CALN1: variants seen among roughly 807,000 people sequenced by gnomAD.
CALN1 encodes calneuron 1, also known as calcium-binding protein 8.
CALN1 carries 17 observed loss-of-function variants against 30.6 expected under a neutral mutation model. The ratio of observed to expected loss-of-function variants is 0.56; its 90% CI spans 0.38 to 0.83. The LOEUF (loss-of-function observed/expected upper bound fraction) is 0.83. Among genes scored for constraint, CALN1 ranks in the 40% least tolerant of loss-of-function variants. The probability of loss-of-function intolerance (pLI) is 0.00; values close to 1 mark genes in which losing one functional copy is unlikely to be tolerated. For missense variants in CALN1, 291 were observed against 354.9 expected, an observed-to-expected ratio of 0.82 and a Z score of 1.45; for synonymous variants, 156 against 131.4, an observed-to-expected ratio of 1.19 and a Z score of -1.28.
chr7:72,191,078 G>A (rs181339145), intron 3 of CALN1, among the ~76,000 whole-genome samples: 5 of 152,312 alleles, frequency 3.3e-5, no homozygotes, highest in African/African-American at 1.2e-4. Flanking sequence ...CTGCTTTTGT[G>A]CAAGTCATGG....
At chr7:72,222,871 A>T (rs1459671429) in intron 3 of CALN1, among the ~76,000 whole-genome samples, 1 of 151,970 alleles carries the variant, frequency 6.6e-6, no homozygotes, top group Non-Finnish European at 1.5e-5. Context: ...AACCATACAA[A>T]TTATTCAGGC....
chr7:72,445,057 AACAC>A (rs4029789), intron 1 of CALN1, among the ~76,000 whole-genome samples: 33,018 of 138,450 alleles, frequency 0.24, 3,802 homozygotes, highest in Non-Finnish European at 0.26. Context: ...CAGTGAATTA[AACAC>A]ACACACACAC....
chr7:72,107,789 C>T (rs1347702719), intron 3 of CALN1, among the ~76,000 whole-genome samples: 1 of 152,114 alleles, frequency 6.6e-6, no homozygotes, highest in Non-Finnish European at 1.5e-5. Flanking sequence ...CCGTGAGAAG[C>T]ACAGTATTAA....
the CALN1 span, among the ~76,000 whole-genome samples, chr7:72,491,894 C>T: frequency 2.0e-5 from 3 of 152,188 alleles, no homozygotes; most frequent in African/African-American, 7.2e-5. Context: ...CAAGGTAATT[C>T]AAGATGCCAT....
chr7:71,797,876 A>G (rs574441607), intron 6 of CALN1, among the ~76,000 whole-genome samples: 1 of 152,256 alleles, frequency 6.6e-6, no homozygotes, highest in South Asian at 2.1e-4. Flanking sequence ...TCATACCCAA[A>G]GATTGTTCTG....
At chr7:72,266,518 G>A (rs555057950) in intron 3 of CALN1, among the ~76,000 whole-genome samples, 1 of 152,252 alleles carries the variant, frequency 6.6e-6, no homozygotes, top group South Asian at 2.1e-4. Flanking sequence ...GAGCCAATGT[G>A]TTCCTTTAAG....
rs1041114254 is a variant in CALN1 at position 71,782,137 on chromosome 7, A to G, written c.*5638T>C. Reference sequence around the variant, plus strand: ...GCTCCAAACCAATCATAGAGGCTGGATATTTGTTCCCCCCAAATTTCATGT... The same window carrying G: ...GCTCCAAACCAATCATAGAGGCTGGGTATTTGTTCCCCCCAAATTTCATGT... On this transcript the variant is annotated 3_prime_UTR_variant, in exon 7 of 7. Transcript: ENST00000395275. 5 of 152,126 alleles carry G rather than the reference A, an allele frequency of 3.3e-5. No individual in the cohort carries two copies. The highest frequency in any genetic ancestry group is 1.2e-4 in the African/African-American group (5 of 41,386). The allele number at this position is 152,126 out of a possible 1,614,324, so 9.4% of individuals were successfully genotyped here.
chr7:72,237,517 G>C (rs1408098528), intron 3 of CALN1, among the ~76,000 whole-genome samples: 1 of 152,204 alleles, frequency 6.6e-6, no homozygotes, highest in Non-Finnish European at 1.5e-5. Context: ...GAGAGGCAGA[G>C]ACAGGCACAG....
At chr7:72,108,233 C>T (rs1418670487) in intron 3 of CALN1, among the ~76,000 whole-genome samples, 1 of 152,230 alleles carries the variant, frequency 6.6e-6, no homozygotes, top group East Asian at 1.9e-4. Flanking sequence ...CTCTGTCCTG[C>T]TCTTAAAGGA....
chr7:72,447,627 G>A (rs546319295), upstream of CALN1, among the ~76,000 whole-genome samples: 26 of 152,218 alleles, frequency 1.7e-4, no homozygotes, highest in South Asian at 5.4e-3. Flanking sequence ...TATGTAAGCT[G>A]CATGCACACA....
At chr7:72,253,224 G>A (rs1013289654) in intron 3 of CALN1, among the ~76,000 whole-genome samples, 9 of 152,134 alleles carry the variant, frequency 5.9e-5, no homozygotes, top group African/African-American at 2.2e-4. Context: ...AAAACTTGAA[G>A]AACTAATGCA....
chr7:71,913,410 A>G (rs1794525865), intron 5 of CALN1, among the ~76,000 whole-genome samples: 1 of 152,180 alleles, frequency 6.6e-6, no homozygotes, highest in Admixed American at 6.5e-5. Context: ...CCCTGAGGAT[A>G]ATATTTCAGC....
In CALN1 at chr7:72,168,802, A is replaced by AT. The variant is rs1235129816; in HGVS notation, c.245-62509dup. Among the ~76,000 whole-genome samples, 601 of 114,368 alleles carry AT rather than the reference A, an allele frequency of 5.3e-3. 6 individuals carry two copies. Among genetic ancestry groups the AT allele is most frequent in the African/African-American group, 0.021 (552 of 26,904 alleles). The allele number at this position is 114,368 out of a possible 152,430, so 75.0% of individuals were successfully genotyped here. On this transcript the variant is annotated intron_variant, in intron 3 of 6. Coordinates refer to ENST00000395275, the MANE Select transcript of CALN1 (RefSeq NM_031468.4). Reference sequence around the variant, plus strand: ...AGGATGCCTGCTTATTATTATTATTATTATTTTTTTTTTTTTTTTTGAGAT... The same window carrying AT: ...AGGATGCCTGCTTATTATTATTATTATTTATTTTTTTTTTTTTTTTTGAGAT...
intron 1 of CALN1, among the ~76,000 whole-genome samples, chr7:72,425,348 A>G (rs1054265713): frequency 6.6e-6 from 1 of 152,148 alleles, no homozygotes; most frequent in Non-Finnish European, 1.5e-5. Flanking sequence ...TCCTGACCTC[A>G]AGTGATCCAC....
chr7:72,117,327 G>A (rs1175389080), intron 3 of CALN1, among the ~76,000 whole-genome samples: 1 of 152,152 alleles, frequency 6.6e-6, no homozygotes, highest in Non-Finnish European at 1.5e-5. Flanking sequence ...TAAGGGGACT[G>A]TCGAAGCCGA....
chr7:72,083,855 A>G (rs1218615350), intron 4 of CALN1, among the ~76,000 whole-genome samples: 1 of 150,178 alleles, frequency 6.7e-6, no homozygotes, highest in African/African-American at 2.5e-5. Context: ...ATCTAAGTAC[A>G]GCACAGACTG....
At chr7:72,056,989 G>A (rs1438011490) in intron 4 of CALN1, among the ~76,000 whole-genome samples, 5 of 151,968 alleles carry the variant, frequency 3.3e-5, no homozygotes, top group South Asian at 2.1e-4. Context: ...TGCTTAGGCC[G>A]GAGTGCAGCG....
chr7:72,179,710 T>C (rs796112850), intron 3 of CALN1, among the ~76,000 whole-genome samples: 1 of 152,172 alleles, frequency 6.6e-6, no homozygotes, highest in Non-Finnish European at 1.5e-5. Flanking sequence ...ATTAGCAATA[T>C]TTTGCCACAT....
the CALN1 span, among the ~76,000 whole-genome samples, chr7:72,459,519 A>G: frequency 8.6e-5 from 13 of 151,662 alleles, no homozygotes; most frequent in African/African-American, 3.1e-4. Context: ...CTAGCTACTC[A>G]GGAGGCTGAG....
Sources: gnomAD v4.1 joint callset for allele counts (sites outside exome capture counted in the v4.1 genomes callset) on GRCh38, gnomAD v4.1.1 for gene constraint, MANE v1.5 for transcripts, NCBI Gene and HGNC (gene_info 2026-07-23, HGNC 2026-07-21) for gene names.